The following IMMP2L variants were observed in gnomAD, a reference collection of about 807,000 sequenced individuals.
IMMP2L encodes the protein mitochondrial inner membrane protease subunit 2.
A neutral mutation model predicts 19.3 loss-of-function variants in IMMP2L; 18 were observed. The ratio of observed to expected loss-of-function variants is 0.93; its 90% CI spans 0.64 to 1.38. IMMP2L has a LOEUF of 1.38. Among genes scored for constraint, IMMP2L ranks in the 40% most tolerant of loss-of-function variants. The probability of loss-of-function intolerance (pLI) is 0.00; values close to 1 mark genes in which losing one functional copy is unlikely to be tolerated. For missense variants in IMMP2L, 233 were observed against 218.2 expected, an observed-to-expected ratio of 1.07 and a Z score of -0.43; for synonymous variants, 76 against 73.0, an observed-to-expected ratio of 1.04 and a Z score of -0.21.
chr7:111,486,234 T>C (rs1842644496), intron 3 of IMMP2L, among the ~76,000 whole-genome samples: 1 of 152,200 alleles, frequency 6.6e-6, no homozygotes, highest in Non-Finnish European at 1.5e-5. Flanking sequence ...TGTTTTCAAA[T>C]GAATACTGGT....
chr7:111,398,091 C>T (rs900862713), intron 3 of IMMP2L, among the ~76,000 whole-genome samples: 10 of 151,956 alleles, frequency 6.6e-5, no homozygotes, highest in East Asian at 1.9e-4. Flanking sequence ...TATTTTAACA[C>T]GTCAAGTTTA....
intron 3 of IMMP2L, among the ~76,000 whole-genome samples, chr7:111,065,985 A>AAT (rs1794460580): frequency 1.0e-5 from 1 of 98,448 alleles, no homozygotes; most frequent in African/African-American, 3.5e-5. Flanking sequence ...AGCAGGCTGT[A>AAT]ATTTTTTTTT....
intron 3 of IMMP2L, among the ~76,000 whole-genome samples, chr7:110,971,313 G>C (rs1820121812): frequency 6.6e-6 from 1 of 152,112 alleles, no homozygotes; most frequent in African/African-American, 2.4e-5. Flanking sequence ...CATAAGGCTA[G>C]TCTTGAGCAT....
intron 5 of IMMP2L, among the ~76,000 whole-genome samples, chr7:110,763,873 T>A (rs758397860): frequency 6.6e-5 from 10 of 152,148 alleles, no homozygotes; most frequent in Non-Finnish European, 1.3e-4. Flanking sequence ...GGGTGTTTAA[T>A]ATAATTTGTT....
intron 3 of IMMP2L, among the ~76,000 whole-genome samples, chr7:111,455,481 A>C (rs1411870890): frequency 3.9e-5 from 6 of 152,156 alleles, no homozygotes. Flanking sequence ...AATTTCCATT[A>C]AGTCATAAGT....
chr7:111,316,342 C>T (rs950962124), intron 3 of IMMP2L, among the ~76,000 whole-genome samples: 3 of 151,888 alleles, frequency 2.0e-5, no homozygotes, highest in Non-Finnish European at 2.9e-5. Context: ...AAAGAAAGAA[C>T]ATGCAGGAAA....
intron 5 of IMMP2L, among the ~76,000 whole-genome samples, chr7:110,857,374 G>A (rs1461385500): frequency 1.3e-5 from 2 of 151,970 alleles, no homozygotes; most frequent in African/African-American, 4.8e-5. Flanking sequence ...CCCTTAATCA[G>A]CATTATAAAA....
chr7:111,399,271 T>C (rs755452544), intron 3 of IMMP2L, among the ~76,000 whole-genome samples: 3 of 152,106 alleles, frequency 2.0e-5, no homozygotes, highest in Non-Finnish European at 4.4e-5. Context: ...GTGGTACTGG[T>C]TTAAAAATAG....
intron 3 of IMMP2L, among the ~76,000 whole-genome samples, chr7:111,073,794 C>T (rs554800651): frequency 2.5e-4 from 38 of 152,304 alleles, no homozygotes; most frequent in African/African-American, 9.1e-4. Flanking sequence ...AGAACTCTGC[C>T]ACTCAGGAAG....
At chr7:111,095,095 C>T (rs984409458) in intron 3 of IMMP2L, among the ~76,000 whole-genome samples, 5 of 151,920 alleles carry the variant, frequency 3.3e-5, no homozygotes, top group Non-Finnish European at 4.4e-5. Context: ...GAAGAATTTT[C>T]TATGGTGCCA....
chr7:111,295,032 T>C (rs1821479306), intron 3 of IMMP2L, among the ~76,000 whole-genome samples: 1 of 151,904 alleles, frequency 6.6e-6, no homozygotes, highest in Admixed American at 6.6e-5. Context: ...ATACAAGTTT[T>C]CTGATAATAT....
At chr7:111,047,029 A>G (rs1032083823) in intron 3 of IMMP2L, among the ~76,000 whole-genome samples, 2 of 152,168 alleles carry the variant, frequency 1.3e-5, no homozygotes, top group African/African-American at 2.4e-5. Flanking sequence ...ACTTTCATAT[A>G]GCTCCTCAGC....
intron 1 of IMMP2L, among the ~76,000 whole-genome samples, chr7:111,540,924 A>T (rs1848457998): frequency 6.6e-6 from 1 of 152,158 alleles, no homozygotes; most frequent in Non-Finnish European, 1.5e-5. Context: ...CTGTATTGAC[A>T]GCCATGCAAC....
chr7:111,432,437 T>C (rs913492204), intron 3 of IMMP2L, among the ~76,000 whole-genome samples: 12 of 151,682 alleles, frequency 7.9e-5, no homozygotes, highest in African/African-American at 1.5e-4. Flanking sequence ...ATGTGATACA[T>C]TGCATAAACA....
chr7:111,320,531 C>A (rs1371374080), intron 3 of IMMP2L, among the ~76,000 whole-genome samples: 1 of 152,054 alleles, frequency 6.6e-6, no homozygotes, highest in African/African-American at 2.4e-5. Context: ...CAACCCACTA[C>A]CCTCAGATCA....
chr7:110,873,429 CAAAAAA>C (rs60827428), intron 5 of IMMP2L, among the ~76,000 whole-genome samples: 4 of 28,948 alleles, frequency 1.4e-4, no homozygotes, highest in African/African-American at 3.8e-4. Context: ...GACTCTATCT[CAAAAAA>C]AAAAAAAAAA....
intron 3 of IMMP2L, among the ~76,000 whole-genome samples, chr7:111,114,738 CAAAA>C (rs567078227): frequency 1.6e-5 from 1 of 62,608 alleles, no homozygotes; most frequent in South Asian, 5.8e-4. Context: ...GACTCCATCT[CAAAA>C]AAAAAAAAAA....
At chr7:110,734,467 T>C (rs1272828793) in intron 5 of IMMP2L, among the ~76,000 whole-genome samples, 10 of 152,198 alleles carry the variant, frequency 6.6e-5, no homozygotes, top group African/African-American at 2.4e-4. Context: ...GAATGTGGCA[T>C]GGCTTCTTTT....
intron 5 of IMMP2L, among the ~76,000 whole-genome samples, chr7:110,828,186 G>A (rs1027874741): frequency 6.6e-6 from 1 of 152,094 alleles, no homozygotes; most frequent in African/African-American, 2.4e-5. Flanking sequence ...CCCTTGTAGT[G>A]TGAAAACAGC....
Sources: gnomAD v4.1 joint callset for allele counts (sites outside exome capture counted in the v4.1 genomes callset) on GRCh38, gnomAD v4.1.1 for gene constraint, MANE v1.5 for transcripts, NCBI Gene and HGNC (gene_info 2026-07-23, HGNC 2026-07-21) for gene names.